WDR17: variants seen among roughly 807,000 people sequenced by gnomAD.
WDR17 encodes WD repeat-containing protein 17.
WDR17 carries 143 observed loss-of-function variants against 161.7 expected under a neutral mutation model. The observed-to-expected ratio is 0.88, with a 90% confidence interval of 0.77 to 1.02. The LOEUF (loss-of-function observed/expected upper bound fraction) is 1.02. Among genes scored for constraint, WDR17 ranks in the 50% least tolerant of loss-of-function variants. WDR17 has a pLI of 0.00. For missense variants in WDR17, 1,469 were observed against 1,520.9 expected (o/e 0.97, Z 0.57); for synonymous variants, 517 against 515.6 (o/e 1.00, Z -0.04).
chr4:176,069,728 A>G (rs1012770328), intron 1 of WDR17, among the ~76,000 whole-genome samples: 1 of 152,178 alleles, frequency 6.6e-6, no homozygotes, highest in Non-Finnish European at 1.5e-5. Flanking sequence ...TCAATTTCAT[A>G]TCACGCACAC....
At chr4:176,119,307 A>C (rs1337207236) in intron 3 of WDR17, among the ~76,000 whole-genome samples, 1 of 152,178 alleles carries the variant, frequency 6.6e-6, no homozygotes, top group Non-Finnish European at 1.5e-5. Flanking sequence ...AGGAAACAGA[A>C]ATTTAGAGAA....
chr4:176,138,279 T>C (rs1250652633), intron 9 of WDR17, among the ~76,000 whole-genome samples: 2 of 151,752 alleles, frequency 1.3e-5, no homozygotes, highest in Admixed American at 6.6e-5. Flanking sequence ...TGAAGCTTAT[T>C]AAGTATATAA....
intron 5 of WDR17, among the ~76,000 whole-genome samples, chr4:176,125,816 CTA>C (rs1742362642): frequency 6.6e-6 from 1 of 152,140 alleles, no homozygotes; most frequent in African/African-American, 2.4e-5. Context: ...GCTGAGTAAT[CTA>C]TAAACCATAA....
At chr4:176,171,622 A>G (rs1043075985) in intron 23 of WDR17, among the ~76,000 whole-genome samples, 4 of 152,226 alleles carry the variant, frequency 2.6e-5, no homozygotes, top group South Asian at 2.1e-4. Flanking sequence ...TTTTATCCAC[A>G]TTGTTTAGCA....
chr4:176,108,930 CA>C (rs1211284588), intron 1 of WDR17, among the ~76,000 whole-genome samples: 2 of 152,202 alleles, frequency 1.3e-5, no homozygotes, highest in Non-Finnish European at 2.9e-5. Flanking sequence ...GCTGGGGCTA[CA>C]GGCACGCGCC....
rs62339430 is a variant in WDR17, at chr4:176,168,901, C to A, written c.3102+118C>A. On this transcript the variant is annotated intron_variant, in intron 23 of 28. Transcript: ENST00000508596. The stretch of plus-strand genomic sequence containing the variant: ...ACAAATGTGTGGTCCCTTTGGGGTA[C>A]CTACAAGTACAACAAAAGTGTTGTA... The A allele has an allele frequency of 0.44, 502,163 of 1,143,860 alleles. 112,063 individuals are homozygous for A. Among genetic ancestry groups the A allele is most frequent in the East Asian group, 0.57 (23,160 of 40,530 alleles). 70.9% of individuals were successfully genotyped at this position (1,143,860 alleles called of 1,614,324 possible).
chr4:176,107,699 G>A (rs1487358898), intron 1 of WDR17, among the ~76,000 whole-genome samples: 1 of 151,836 alleles, frequency 6.6e-6, no homozygotes, highest in Non-Finnish European at 1.5e-5. Flanking sequence ...GATAAATCAT[G>A]TTTCTTTGTC....
At chr4:176,104,007 T>C (rs2126669058) in intron 1 of WDR17, among the ~76,000 whole-genome samples, 1 of 152,196 alleles carries the variant, frequency 6.6e-6, no homozygotes, top group East Asian at 1.9e-4. Context: ...ATCTTGAAAT[T>C]AGTAAGAAAG....
At chr4:176,126,625 T>C (rs36121554) in intron 5 of WDR17, among the ~76,000 whole-genome samples, 40,358 of 152,028 alleles carry the variant, frequency 0.27, 5,620 homozygotes, top group African/African-American at 0.34. Flanking sequence ...ACAAGTACTA[T>C]GTTGAACCCA....
chr4:176,115,816 A>T lies in WDR17; in HGVS notation c.144A>T (p.Glu48Asp), dbSNP rs772833751. Reference sequence around the variant, plus strand: ...TTTAGTTGGATCACCGTTATAATGAATTCAAACTTCACGCAATTATGTCTG... The same window carrying T: ...TTTAGTTGGATCACCGTTATAATGATTTCAAACTTCACGCAATTATGTCTG... Reference protein sequence around the residue: ...YIYQLDHRYNEFKLHAIMSEH... With the variant: ...YIYQLDHRYNDFKLHAIMSEH... The change falls in exon 3 of 29, where the codon GAA (glutamate) becomes GAT (aspartate). Residue 48 changes from glutamate (E) to aspartate (D), a missense_variant. Physicochemically the swap from Glu to Asp is conservative, Grantham distance 45 (BLOSUM62 2). Transcript: ENST00000508596. 3 of 1,606,748 alleles carry T rather than the reference A, an allele frequency of 1.9e-6. No individual in the cohort carries two copies. In the South Asian group the frequency reaches 3.4e-5, roughly 18 times the overall value.
Position 176,128,831 on chromosome 4 carries a change from A to C in WDR17, c.884A>C (p.His295Pro). 6.3e-7 allele frequency: 1 copy of C among 1,589,638 alleles called. No individual in the cohort carries two copies. Among genetic ancestry groups the C allele is most frequent in the Non-Finnish European group, 8.5e-7 (1 of 1,170,878 alleles). The change falls in exon 6 of 29, where the codon CAT becomes CCT. Residue 295 changes from histidine to proline, a missense_variant. Coordinates refer to ENST00000508596, the MANE Select transcript of WDR17 (RefSeq NM_181265.4). ...AAGAAAACAGGATTTCACTGCTTAC[A>C]TGTACTTAATTCTCCTCCAAGAAAA... ...KLKKTGFHCL[H>P]VLNSPPRKKF...
At chr4:176,115,764 C>A in intron 2 of WDR17, 32 bp from the exon 3 acceptor site, 2 of 1,494,838 alleles carry the variant, frequency 1.3e-6, no homozygotes, top group Non-Finnish European at 1.8e-6. Context: ...AAAAGGAGCA[C>A]TAAAATATTT....
chr4:176,093,565 T>C (rs937029890), intron 1 of WDR17, among the ~76,000 whole-genome samples: 2 of 152,214 alleles, frequency 1.3e-5, no homozygotes, highest in Non-Finnish European at 2.9e-5. Context: ...GTAATAAGAA[T>C]TTTCTGACTA....
intron 8 of WDR17, 153 bp downstream of exon 8, chr4:176,135,429 G>T: frequency 1.1e-6 from 1 of 887,682 alleles, no homozygotes; most frequent in Non-Finnish European, 1.7e-6. Flanking sequence ...CTCTTTTTGC[G>T]AGGTTTAAGA....
Position 176,125,107 on chromosome 4 carries a change from A to AT in WDR17, c.543dup (p.Lys182Ter). The AT allele has an allele frequency of 1.2e-6, 2 of 1,613,834 alleles. No individual in the cohort carries two copies. Among genetic ancestry groups the AT allele is most frequent in the Non-Finnish European group, 1.7e-6 (2 of 1,179,884 alleles). ...AATTATCTCTGTATTTTAACAGGTAATAAAAATCAGAAACATGTTTTGAGA... is the reference window on the plus strand; with the variant it reads ...AATTATCTCTGTATTTTAACAGGTAATTAAAAATCAGAAACATGTTTTGAGA... On this transcript the variant is annotated frameshift_variant, in exon 5 of 29. Transcript: ENST00000508596. LOFTEE classifies it high-confidence loss of function.
intron 3 of WDR17, among the ~76,000 whole-genome samples, chr4:176,116,582 T>C (rs1409682963): frequency 6.6e-5 from 10 of 151,906 alleles, no homozygotes; most frequent in Non-Finnish European, 1.5e-5. Flanking sequence ...TTAACTCTCT[T>C]TTTGAGCACC....
intron 23 of WDR17, among the ~76,000 whole-genome samples, chr4:176,171,773 A>ATTT (rs77463468): frequency 6.6e-6 from 1 of 151,128 alleles, no homozygotes; most frequent in Admixed American, 6.6e-5. Context: ...ACAGAAAAAG[A>ATTT]TTTTTTTTTA....
In WDR17 at chr4:176,112,394, G is replaced by A. The variant is rs148078496; in HGVS notation, c.123+691G>A. Among the ~76,000 whole-genome samples the A allele has an allele frequency of 2.9e-3, 448 of 152,180 alleles. 2 individuals carry two copies. Among genetic ancestry groups the A allele is most frequent in the Non-Finnish European group, 4.5e-3 (303 of 68,000 alleles). ...TTCAGTGTAATCAGTTATCTGTAGTGCAAATCTAAATTTTAAAGCTTTCAG... is the reference window on the plus strand; with the variant it reads ...TTCAGTGTAATCAGTTATCTGTAGTACAAATCTAAATTTTAAAGCTTTCAG... On this transcript the variant is annotated intron_variant, in intron 2 of 28. Transcript: ENST00000508596.
At chr4:176,143,513 A>AAG (rs1173861310) in intron 11 of WDR17, among the ~76,000 whole-genome samples, 47 of 151,634 alleles carry the variant, frequency 3.1e-4, no homozygotes, top group African/African-American at 9.9e-4. Flanking sequence ...AAAAAAAAAA[A>AAG]AATGAAAAAT....
Sources: allele counts gnomAD v4.1 joint callset (sites outside exome capture counted in the v4.1 genomes callset), GRCh38; gene constraint gnomAD v4.1.1; transcripts MANE v1.5; gene names NCBI Gene and HGNC (gene_info 2026-07-23, HGNC 2026-07-21).